The following TSHZ2 variants were observed in gnomAD, a reference collection of about 807,000 sequenced individuals.
TSHZ2 encodes the protein teashirt zinc finger homeobox 2, also known as teashirt homolog 2.
Under a neutral mutation model 74.4 loss-of-function variants are expected in TSHZ2, and 21 were observed. That is an observed-to-expected ratio of 0.28 (90% CI 0.20 to 0.41). The LOEUF is 0.41. Ranked by LOEUF, TSHZ2 falls within the 10% of genes least tolerant of loss-of-function variation. The probability of loss-of-function intolerance (pLI) is 1.00; values close to 1 mark genes in which losing one functional copy is unlikely to be tolerated. For synonymous variants in TSHZ2, 540 were observed against 515.3 expected, an observed-to-expected ratio of 1.05 and a Z score of -0.65; for missense variants, 1,244 against 1,293.5, an observed-to-expected ratio of 0.96 and a Z score of 0.59.
rs774459382 is a variant in TSHZ2 at position 53,254,202 on chromosome 20, C to A, written c.744C>A (p.Asp248Glu). 2.5e-6 allele frequency: 4 copies of A among 1,614,158 alleles called. No individual in the cohort carries two copies. The highest frequency in any genetic ancestry group is 3.3e-5 in the Admixed American group (2 of 60,018). ...GHYQDDNRKKDKLRPTSYSKP... is the reference protein window; with the variant it reads ...GHYQDDNRKKEKLRPTSYSKP... ...ATCAAGATGACAACCGCAAAAAGGA[C>A]AAGCTCAGACCCACGAGCTATTCAA... is the stretch of plus-strand genomic sequence containing the variant. The change falls in exon 2 of 3, where the codon GAC becomes GAA. Residue 248 changes from aspartate to glutamate, a missense_variant. By Grantham distance (45) the Asp-to-Glu change is conservative. Around this residue, in one of 6 missense-constraint regions of TSHZ2, gnomAD observed 470 missense variants for 456.5 expected, o/e 1.03. Coordinates refer to ENST00000371497, the MANE Select transcript of TSHZ2 (RefSeq NM_173485.6).
intron 1 of TSHZ2, among the ~76,000 whole-genome samples, chr20:53,228,568 C>A (rs6126787): frequency 0.7 from 106,308 of 151,644 alleles, 38,491 homozygotes; most frequent in African/African-American, 0.88. Flanking sequence ...TTAGCAGCAC[C>A]CCTGGCCTCT....
At chr20:53,024,684 C>T (rs1216234910) in intron 1 of TSHZ2, among the ~76,000 whole-genome samples, 1 of 151,950 alleles carries the variant, frequency 6.6e-6, no homozygotes, top group Admixed American at 6.6e-5. Context: ...GTGTGATGTT[C>T]CCCCCACTGT....
chr20:53,406,207 A>C (rs907778287), intron 2 of TSHZ2, among the ~76,000 whole-genome samples: 2 of 152,040 alleles, frequency 1.3e-5, no homozygotes, highest in Non-Finnish European at 1.5e-5. Flanking sequence ...TGGAAGAAAA[A>C]GAGCAGGTGG....
intron 1 of TSHZ2, among the ~76,000 whole-genome samples, chr20:53,038,896 G>GTTTTTTTTTTTTTTT (rs374364980): frequency 7.1e-6 from 1 of 140,518 alleles, no homozygotes; most frequent in African/African-American, 3.0e-5. Context: ...TTGTTTGTTT[G>GTTTTTTTTTTTTTTT]TTTGTTTGTT....
In TSHZ2 at chr20:53,429,658, C is replaced by T. The variant is rs6097413; in HGVS notation, c.*9-57486C>T. Reference sequence around the variant, plus strand: ...GTCTCAGGTATGTCTTCATTAGTAGCGTGAAAACAGACTAATACACATCTC... The same window carrying T: ...GTCTCAGGTATGTCTTCATTAGTAGTGTGAAAACAGACTAATACACATCTC... On this transcript the variant is annotated intron_variant, in intron 2 of 2. Transcript: ENST00000371497. Among the ~76,000 whole-genome samples, 741 of 152,264 alleles carry T rather than the reference C, an allele frequency of 4.9e-3. 4 individuals carry two copies. The highest frequency in any genetic ancestry group is 0.017 in the African/African-American group (691 of 41,546).
intron 1 of TSHZ2, among the ~76,000 whole-genome samples, chr20:53,072,492 T>G (rs1325541092): frequency 6.6e-6 from 1 of 152,206 alleles, no homozygotes. Flanking sequence ...TTTGTAAGCT[T>G]GGAAAATAAA....
intron 2 of TSHZ2, among the ~76,000 whole-genome samples, chr20:53,465,981 A>AAC (rs1269460261): frequency 1.3e-5 from 2 of 151,398 alleles, no homozygotes; most frequent in Non-Finnish European, 2.9e-5. Flanking sequence ...AAAAAAAAAA[A>AAC]AAAGACTGTA....
chr20:52,981,794 T>C (rs538289043), intron 1 of TSHZ2, among the ~76,000 whole-genome samples: 78 of 152,216 alleles, frequency 5.1e-4, no homozygotes, highest in Non-Finnish European at 9.7e-4. Context: ...GTAACAATGA[T>C]ATCTGCCACT....
At chr20:53,339,968 G>T (rs6022403) in intron 2 of TSHZ2, among the ~76,000 whole-genome samples, 1,726 of 152,214 alleles carry the variant, frequency 0.011, 26 homozygotes, top group African/African-American at 0.039. Context: ...GCCCAGCAGG[G>T]AACACCTGTG....
Position 53,443,783 on chromosome 20 carries a change from T to A in TSHZ2, c.*9-43361T>A, listed in dbSNP as rs145282229. ...CTGCATCCGTAAAATGAGCCAGTTA[T>A]ACACACTTTGTAGGGTAGGTCTGAG... On this transcript the variant is annotated intron_variant, in intron 2 of 2. Transcript: ENST00000371497. Among the ~76,000 whole-genome samples the A allele has an allele frequency of 5.0e-4, 76 of 152,334 alleles. 3 individuals are homozygous for A. In the East Asian group the frequency reaches 0.014, roughly 27 times the overall value.
intron 1 of TSHZ2, among the ~76,000 whole-genome samples, chr20:52,992,807 C>T (rs1982042819): frequency 6.6e-6 from 1 of 152,096 alleles, no homozygotes; most frequent in Non-Finnish European, 1.5e-5. Flanking sequence ...AATGTGAGTC[C>T]TTTGAGGAAT....
At chr20:53,144,736 T>C (rs910122391) in intron 1 of TSHZ2, among the ~76,000 whole-genome samples, 1 of 152,148 alleles carries the variant, frequency 6.6e-6, no homozygotes, top group Non-Finnish European at 1.5e-5. Flanking sequence ...CCAAATACTA[T>C]ATATACTATG....
chr20:53,341,692 G>T (rs1337884341), intron 2 of TSHZ2, among the ~76,000 whole-genome samples: 1 of 151,926 alleles, frequency 6.6e-6, no homozygotes, highest in Non-Finnish European at 1.5e-5. Flanking sequence ...TGTATGTATA[G>T]ATATATTTGC....
Position 53,254,027 on chromosome 20 carries a change from G to T in TSHZ2, c.569G>T (p.Ser190Ile). The T allele has an allele frequency of 6.2e-7, 1 of 1,614,108 alleles. No individual in the cohort carries two copies. Among genetic ancestry groups the T allele is most frequent in the Non-Finnish European group, 8.5e-7 (1 of 1,180,032 alleles). The change falls in exon 2 of 3, where the codon AGC becomes ATC. Residue 190 changes from serine to isoleucine, a missense_variant. Physicochemically the swap from Ser to Ile is moderately radical, Grantham distance 142 (BLOSUM62 -2). This residue lies in a region of TSHZ2 where 470 missense variants were observed against 456.5 expected (regional missense o/e 1.03). Coordinates refer to ENST00000371497, the MANE Select transcript of TSHZ2 (RefSeq NM_173485.6). The part of the protein sequence containing the change: ...NLPSRSVSKP[S>I]LFSSVQLYRQ... Reference sequence around the variant, plus strand: ...CCTTCTCGGTCCGTCTCGAAACCCAGCCTGTTCAGCTCGGTGCAGTTGTAC... The same window carrying T: ...CCTTCTCGGTCCGTCTCGAAACCCATCCTGTTCAGCTCGGTGCAGTTGTAC...
At chr20:53,360,155 T>A (rs1037582423) in intron 2 of TSHZ2, among the ~76,000 whole-genome samples, 1 of 152,136 alleles carries the variant, frequency 6.6e-6, no homozygotes, top group Non-Finnish European at 1.5e-5. Flanking sequence ...AAATCAAGAT[T>A]TCCAAGTGAA....
intron 1 of TSHZ2, among the ~76,000 whole-genome samples, chr20:53,199,175 T>C (rs1988941220): frequency 6.6e-6 from 1 of 152,266 alleles, no homozygotes; most frequent in South Asian, 2.1e-4. Flanking sequence ...TGTAGAATTA[T>C]ATTTATTACA....
chr20:53,189,404 T>C (rs1240999121), intron 1 of TSHZ2, among the ~76,000 whole-genome samples: 2 of 152,178 alleles, frequency 1.3e-5, no homozygotes, highest in African/African-American at 4.8e-5. Context: ...ATGGACTCAG[T>C]GGTATCAGAT....
At chr20:53,259,448 A>G (rs1990555982) in intron 2 of TSHZ2, among the ~76,000 whole-genome samples, 1 of 152,250 alleles carries the variant, frequency 6.6e-6, no homozygotes. Flanking sequence ...AACAATTTCA[A>G]TATGTATTTG....
intron 2 of TSHZ2, among the ~76,000 whole-genome samples, chr20:53,417,231 GACACACACAGAC>G (rs1192467910): frequency 2.0e-5 from 2 of 101,290 alleles, no homozygotes; most frequent in Non-Finnish European, 3.9e-5. Flanking sequence ...TACAGACACA[GACACACACAGAC>G]ACACACACAC....
Sources: gnomAD v4.1 joint callset for allele counts (sites outside exome capture counted in the v4.1 genomes callset) on GRCh38, gnomAD v4.1.1 for gene constraint, gnomAD v4.1.1 regional missense constraint, MANE v1.5 for transcripts, NCBI Gene and HGNC (gene_info 2026-07-23, HGNC 2026-07-21) for gene names.